Variants in SNX29 observed in about 807,000 individuals in gnomAD.
SNX29 encodes sorting nexin 29.
A neutral mutation model predicts 102.1 loss-of-function variants in SNX29; 78 were observed. That is an observed-to-expected ratio of 0.76 (90% CI 0.64 to 0.92). The LOEUF is 0.92. Ranked by LOEUF, SNX29 falls within the 40% of genes least tolerant of loss-of-function variation. The pLI is 0.00. For missense variants in SNX29, 1,280 were observed against 1,061.7 expected, an observed-to-expected ratio of 1.21 and a Z score of -2.86; for synonymous variants, 580 against 414.5, an observed-to-expected ratio of 1.40 and a Z score of -4.85.
At chr16:12,293,061 A>T (rs908332663) in intron 15 of SNX29, among the ~76,000 whole-genome samples, 8 of 152,246 alleles carry the variant, frequency 5.3e-5, no homozygotes, top group Non-Finnish European at 7.3e-5. Context: ...ATAAGCATGT[A>T]CTATGTGTCA....
chr16:12,557,317 A>C (rs2078430470), intron 20 of SNX29: 1 of 152,144 alleles, frequency 6.6e-6, no homozygotes, highest in Admixed American at 6.5e-5. Flanking sequence ...TGGCAAAGTC[A>C]CCTTCAGAGA....
intron 18 of SNX29, among the ~76,000 whole-genome samples, chr16:12,442,565 A>T (rs989558336): frequency 6.6e-6 from 1 of 151,834 alleles, no homozygotes; most frequent in East Asian, 1.9e-4. Context: ...TATGTAATGA[A>T]TGGATGTGAC....
chr16:12,277,797 A>G (rs1182327567), intron 14 of SNX29, 136 bp from the exon 15 acceptor site: 7 of 651,642 alleles, frequency 1.1e-5, no homozygotes, highest in Non-Finnish European at 1.6e-5. Flanking sequence ...GTAGTTAGTA[A>G]GTGTGTGTGT....
rs537794085 is a variant in SNX29 at position 12,476,330 on chromosome 16, A to G, written c.2038-1389A>G. Among the ~76,000 whole-genome samples the G allele has an allele frequency of 2.5e-5, 3 of 119,076 alleles. No individual in the cohort carries two copies. In the East Asian group the frequency reaches 8.4e-4, roughly 34 times the overall value. The allele number at this position is 119,076 out of a possible 152,430, so 78.1% of individuals were successfully genotyped here. ...CTTCGTCTCAAAAAAAAAAGTGAGC[A>G]AAGGACACAGCGACATTTCTCAAAA... On this transcript the variant is annotated intron_variant, in intron 18 of 20. Coordinates refer to ENST00000566228, the MANE Select transcript of SNX29 (RefSeq NM_032167.5).
At chr16:12,524,887 T>G in intron 20 of SNX29, 46 bp downstream of exon 20, 2 of 1,596,158 alleles carry the variant, frequency 1.3e-6, no homozygotes, top group Non-Finnish European at 1.7e-6. Flanking sequence ...CTGCCAGCAT[T>G]TTTTTCTCGG....
chr16:12,279,461 T>TG, intron 15 of SNX29, among the ~76,000 whole-genome samples: 1 of 152,230 alleles, frequency 6.6e-6, no homozygotes, highest in Non-Finnish European at 1.5e-5. Context: ...AAAGCCAGGC[T>TG]GGGGAGGCCT....
chr16:12,024,123 C>T (rs961130568), intron 3 of SNX29, among the ~76,000 whole-genome samples: 5 of 151,186 alleles, frequency 3.3e-5, no homozygotes, highest in South Asian at 2.1e-4. Context: ...GGAGGGAATA[C>T]GTGAGCTAAG....
At chr16:12,360,359 G>C (rs531328640) in intron 16 of SNX29, among the ~76,000 whole-genome samples, 2 of 152,180 alleles carry the variant, frequency 1.3e-5, no homozygotes, top group African/African-American at 4.8e-5. Context: ...AAGACACTTG[G>C]CTCCTTGAAC....
intron 20 of SNX29, among the ~76,000 whole-genome samples, chr16:12,551,980 A>T (rs1041409870): frequency 6.6e-6 from 1 of 152,200 alleles, no homozygotes; most frequent in Non-Finnish European, 1.5e-5. Context: ...ACACAGTGCC[A>T]TGTCAAAGTA....
At chr16:12,456,561 G>C (rs886830975) in intron 18 of SNX29, among the ~76,000 whole-genome samples, 1 of 151,930 alleles carries the variant, frequency 6.6e-6, no homozygotes, top group South Asian at 2.1e-4. Context: ...ATGTATACCT[G>C]GTGGGGCAGT....
chr16:12,321,966 C>T (rs1238842569), intron 15 of SNX29, among the ~76,000 whole-genome samples: 1 of 152,140 alleles, frequency 6.6e-6, no homozygotes, highest in Non-Finnish European at 1.5e-5. Context: ...AACATCAAAG[C>T]ACCTGTCGTG....
chr16:12,224,691 G>A (rs190623128), intron 14 of SNX29, among the ~76,000 whole-genome samples: 5 of 152,350 alleles, frequency 3.3e-5, no homozygotes, highest in Middle Eastern at 3.4e-3. Flanking sequence ...TGAATTTACC[G>A]GTGGATCTTT....
chr16:12,526,511 C>A, intron 20 of SNX29: 1 of 505,866 alleles, frequency 2.0e-6, no homozygotes, highest in Non-Finnish European at 3.9e-6. Flanking sequence ...GTTTCTAGAA[C>A]GCTTTATTTT....
rs1460321487 is a variant in SNX29, at chr16:12,570,916, A to G, written c.*2287A>G. 9.1e-6 allele frequency: 2 copies of G among 220,664 alleles called. No homozygotes were observed. The highest frequency in any genetic ancestry group is 4.7e-5 in the African/African-American group (2 of 42,148). The allele number at this position is 220,664 out of a possible 1,614,324, so 13.7% of individuals were successfully genotyped here. The stretch of plus-strand genomic sequence containing the variant: ...CACAAAAAACCTGGTCTGCTCTCCA[A>G]AATGAGAGCATGTTCCTGGGAGCCA... On this transcript the variant is annotated 3_prime_UTR_variant, in exon 21 of 21. Transcript: ENST00000566228.
chr16:12,526,559 C>G (rs8062627), intron 20 of SNX29: 57 of 527,946 alleles, frequency 1.1e-4, no homozygotes, highest in African/African-American at 1.0e-3. Context: ...GGGACTGGAT[C>G]TCACTGTTTG....
chr16:12,280,236 G>C (rs141105122), intron 15 of SNX29, among the ~76,000 whole-genome samples: 1 of 152,244 alleles, frequency 6.6e-6, no homozygotes. Flanking sequence ...GGAGACTCAC[G>C]GGTCGGGAAC....
intron 13 of SNX29, among the ~76,000 whole-genome samples, chr16:12,167,232 A>G (rs1005002395): frequency 9.9e-5 from 15 of 152,102 alleles, no homozygotes; most frequent in South Asian, 4.2e-4. Flanking sequence ...CCAGTGGCCT[A>G]TGACTGCACC....
In SNX29 at chr16:12,139,979, T is replaced by TGAAAAAA. The variant is rs144110763; in HGVS notation, c.1595+10221_1595+10222insGAAAAAA. ...CTGGGAGACAGAGAGATACCCTGTCTCAAAAAAAAAAAAAAAAAAAAAAAA... is the reference window on the plus strand; with the variant it reads ...CTGGGAGACAGAGAGATACCCTGTCTGAAAAAACAAAAAAAAAAAAAAAAAAAAAAAA... On this transcript the variant is annotated intron_variant, in intron 13 of 20. Coordinates refer to ENST00000566228, the MANE Select transcript of SNX29 (RefSeq NM_032167.5). Among the ~76,000 whole-genome samples, 4 of 63,054 alleles carry TGAAAAAA rather than the reference T, an allele frequency of 6.3e-5. 2 individuals carry two copies. Among genetic ancestry groups the TGAAAAAA allele is most frequent in the African/African-American group, 1.3e-4 (2 of 15,498 alleles). The allele number at this position is 63,054 out of a possible 152,430, so 41.4% of individuals were successfully genotyped here.
chr16:12,066,876 T>G (rs1458615432), intron 9 of SNX29, among the ~76,000 whole-genome samples: 1 of 151,776 alleles, frequency 6.6e-6, no homozygotes, highest in Admixed American at 6.6e-5. Context: ...TCTCATTGAG[T>G]TTTACATGCG....
Sources: gnomAD v4.1 joint callset for allele counts (sites outside exome capture counted in the v4.1 genomes callset) on GRCh38, gnomAD v4.1.1 for gene constraint, MANE v1.5 for transcripts, NCBI Gene and HGNC (gene_info 2026-07-23, HGNC 2026-07-21) for gene names.